Variants in VTN observed in about 807,000 individuals in gnomAD.
VTN encodes the protein complement S-protein.
Under a neutral mutation model 55.9 loss-of-function variants are expected in VTN, and 45 were observed. The observed-to-expected ratio is 0.80, with a 90% CI of 0.63 to 1.03. VTN has a LOEUF of 1.03. Ranked by LOEUF, VTN falls within the 50% of genes least tolerant of loss-of-function variation. The pLI is 0.00. For missense variants in VTN, 589 were observed against 638.2 expected, an observed-to-expected ratio of 0.92 and a Z score of 0.83; for synonymous variants, 238 against 242.3, an observed-to-expected ratio of 0.98 and a Z score of 0.17.
intron 7 of VTN, 56 bp from the exon 8 acceptor site, chr17:28,367,537 TC>T (rs2067914948): frequency 6.6e-7 from 1 of 1,519,838 alleles, no homozygotes; most frequent in Non-Finnish European, 9.1e-7. Context: ...TGCCCACTCT[TC>T]CCTTGAGAAG....
At position 28,369,997 on chromosome 17, in the gene VTN, G is replaced by A; in HGVS notation, c.114C>T (p.Cys38=). ...CTEGFNVDKK[C]QCDELCSYYQ... is the part of the protein sequence containing the mutation. ...AGTAAGAGCAGAGCTCGTCACACTG[G>A]CACTTCTTGTCCACGTTGAAGCCCT... The change falls in exon 2 of 8, where the codon TGC becomes TGT. Residue 38 remains cysteine, a synonymous_variant. Coordinates refer to ENST00000226218, the MANE Select transcript of VTN (RefSeq NM_000638.4). This position sits in a 1 kb window ranked among gnomAD's most constrained non-coding sequence, Gnocchi z 5.3. The A allele has an allele frequency of 6.2e-7, 1 of 1,614,046 alleles. No homozygotes were observed. The highest frequency in any genetic ancestry group is 8.5e-7 in the Non-Finnish European group (1 of 1,180,012).
chr17:28,368,393 T>C (rs1487753682), intron 6 of VTN, 128 bp downstream of exon 6: 1 of 1,341,968 alleles, frequency 7.5e-7, no homozygotes, highest in East Asian at 2.3e-5. Flanking sequence ...AAGCAAAGTC[T>C]GGCCTGAGCA....
chr17:28,369,132 C>T lies in VTN; in HGVS notation c.670-104G>A, dbSNP rs2067932175. 1 of 1,507,662 alleles carries T rather than the reference C, an allele frequency of 6.6e-7. No individual in the cohort carries two copies. Among genetic ancestry groups the T allele is most frequent in the Non-Finnish European group, 8.9e-7 (1 of 1,127,836 alleles). The allele number at this position is 1,507,662 out of a possible 1,614,324, so 93.4% of individuals were successfully genotyped here. On this transcript the variant is annotated intron_variant, in intron 4 of 7. Transcript: ENST00000226218. The surrounding 1 kb of genome is among the most constrained non-coding windows in gnomAD (Gnocchi z 5.3). ...CCGTTCCCAGGTCCAGGTTCACTGC[C>T]CAGGACCTGGAGTCTTGGGGCTGCC...
chr17:28,370,098 C>G, intron 1 of VTN, 42 bp downstream of exon 1: 2 of 1,613,730 alleles, frequency 1.2e-6, no homozygotes, highest in East Asian at 2.2e-5. Flanking sequence ...CACCCTCGCC[C>G]TCCCTACATT....
In VTN at chr17:28,369,952, G is replaced by A. The variant is rs782570391; in HGVS notation, c.159C>T (p.Asp53=). 6.2e-7 allele frequency: 1 copy of A among 1,614,116 alleles called. No individual in the cohort carries two copies. Among genetic ancestry groups the A allele is most frequent in the African/African-American group, 1.3e-5 (1 of 75,066 alleles). The change falls in exon 2 of 8, where the codon GAC becomes GAT. Residue 53 remains aspartate (D), a synonymous_variant. Transcript: ENST00000226218. The surrounding 1 kb of genome is among the most constrained non-coding windows in gnomAD (Gnocchi z 5.3). ...CTTGGGGCTTGCACTCAGCCGTATA[G>A]TCTGTGCAGCAGCTCTGGTAGTAAG... The part of the protein sequence containing the change: ...LCSYYQSCCT[D]YTAECKPQVT...
Position 28,369,184 on chromosome 17 carries a change from C to A in VTN, c.669+105G>T. On this transcript the variant is annotated intron_variant, in intron 4 of 7. Transcript: ENST00000226218. This position sits in a 1 kb window ranked among gnomAD's most constrained non-coding sequence, Gnocchi z 5.3. ...TGTGCTCACAGAGCTCCCACCAGGTCCTGCAGGGCCCTGGGTCCAGCTTCC... is the reference window on the plus strand; with the variant it reads ...TGTGCTCACAGAGCTCCCACCAGGTACTGCAGGGCCCTGGGTCCAGCTTCC... 2.0e-6 allele frequency: 3 copies of A among 1,509,290 alleles called. No homozygotes were observed. The highest frequency in any genetic ancestry group is 1.8e-6 in the Non-Finnish European group (2 of 1,128,868). 93.5% of individuals were successfully genotyped at this position (1,509,290 alleles called of 1,614,324 possible). A position where few individuals can be genotyped will look rare whatever the true frequency, so the allele number is the denominator to read the frequency against.
Position 28,367,866 on chromosome 17 carries a change from C to T in VTN, c.1173G>A (p.Gln391=). 1 of 1,614,028 alleles carries T rather than the reference C, an allele frequency of 6.2e-7. No individual in the cohort carries two copies. Among genetic ancestry groups the T allele is most frequent in the Non-Finnish European group, 8.5e-7 (1 of 1,179,970 alleles). Residue 391 remains glutamine (Q), a synonymous_variant, in exon 7 of 8, where the codon CAG becomes CAA. Coordinates refer to ENST00000226218, the MANE Select transcript of VTN (RefSeq NM_000638.4). ...TGGCGCGGGATGGCCGGCGGGAGTT[C>T]TGGTTGCGGCCACGGCTGTGGCCTC... is the stretch of plus-strand genomic sequence containing the variant. ...SQRGHSRGRN[Q]NSRRPSRATW...
intron 5 of VTN, 97 bp downstream of exon 5, chr17:28,368,775 A>C (rs763241796): frequency 3.1e-6 from 5 of 1,609,546 alleles, no homozygotes; most frequent in Non-Finnish European, 4.2e-6. Context: ...GGTGGGGGTC[A>C]GGGGTGGGCA....
At chr17:28,367,512 G>A in intron 7 of VTN, 31 bp from the exon 8 acceptor site, 1 of 1,570,990 alleles carries the variant, frequency 6.4e-7, no homozygotes, top group East Asian at 2.2e-5. Flanking sequence ...GGATGCGTGA[G>A]GCCCAGCCTG....
In VTN at chr17:28,370,260, C is replaced by T. The variant is rs1280820544; in HGVS notation, c.-57G>A. 52 of 1,553,138 alleles carry T rather than the reference C, an allele frequency of 3.3e-5. 1 individual carries two copies. Among genetic ancestry groups the T allele is most frequent in the Non-Finnish European group, 4.0e-5 (46 of 1,142,278 alleles). On this transcript the variant is annotated 5_prime_UTR_variant, in exon 1 of 8. Coordinates refer to ENST00000226218, the MANE Select transcript of VTN (RefSeq NM_000638.4). ...TGGGCTCTGGTCTCCCTGAAGTCTC[C>T]GCTCTGATGCCTGAGGAAGGGAGGG...
At position 28,367,445 on chromosome 17, in the gene VTN, A is replaced by C; in HGVS notation, c.1361T>G (p.Val454Gly). 6.8e-6 allele frequency: 11 copies of C among 1,613,484 alleles called. No homozygotes were observed. Among genetic ancestry groups the C allele is most frequent in the Non-Finnish European group, 9.3e-6 (11 of 1,179,848 alleles). The change falls in exon 8 of 8, where the codon GTG (valine) becomes GGG (glycine). Residue 454 changes from valine to glycine, a missense_variant. Val to Gly is a moderately radical substitution (Grantham distance 109). This residue lies in a region of VTN where 334 missense variants were observed against 328.2 expected (regional missense o/e 1.02). Coordinates refer to ENST00000226218, the MANE Select transcript of VTN (RefSeq NM_000638.4). ...TGGGTAGGGAGGGTCCACAGTGTCC[A>C]CTCGCCGTGTGCGAAGATTGACTCG... is the stretch of plus-strand genomic sequence containing the variant. ...YYRVNLRTRR[V>G]DTVDPPYPRS...
In VTN at chr17:28,369,897, C is replaced by G. The variant is rs782003778; in HGVS notation, c.184+30G>C. On this transcript the variant is annotated intron_variant, in intron 2 of 7. Transcript: ENST00000226218. This position sits in a 1 kb window ranked among gnomAD's most constrained non-coding sequence, Gnocchi z 5.3. ...TGAGTCTCCAGCAGCAGGGGGCACC[C>G]CAGCCCACCCACCTGGGCTCTGAAC... The G allele has an allele frequency of 7.6e-5, 123 of 1,612,446 alleles. No homozygotes were observed. The highest frequency in any genetic ancestry group is 1.7e-6 in the Non-Finnish European group (2 of 1,178,864).
chr17:28,368,102 A>G, intron 6 of VTN, 43 bp from the exon 7 acceptor site: 1 of 1,501,936 alleles, frequency 6.7e-7, no homozygotes, highest in Non-Finnish European at 8.9e-7. Context: ...GGGGGTCCGA[A>G]TCTTGCCCCT....
At chr17:28,368,751 A>G in intron 5 of VTN, 78 bp from the exon 6 acceptor site, 1 of 1,609,076 alleles carries the variant, frequency 6.2e-7, no homozygotes, top group Non-Finnish European at 8.5e-7. Context: ...TGAAGTTAGG[A>G]TCTCCCAGCA....
In VTN at chr17:28,367,413, T is replaced by G; in HGVS notation, c.1393A>C (p.Ile465Leu). Residue 465 changes from isoleucine (I) to leucine (L), a missense_variant, in exon 8 of 8, where the codon ATC becomes CTC. By Grantham distance (5) the Ile-to-Leu change is conservative. Coordinates refer to ENST00000226218, the MANE Select transcript of VTN (RefSeq NM_000638.4). ...GGGCAGCCCAGCCAGTACTGAGCGA[T>G]GGAGCGTGGGTAGGGAGGGTCCACA... is the stretch of plus-strand genomic sequence containing the variant. ...DTVDPPYPRS[I>L]AQYWLGCPAP... is the part of the protein sequence containing the mutation. 2 of 1,612,586 alleles carry G rather than the reference T, an allele frequency of 1.2e-6. No individual in the cohort carries two copies. Among genetic ancestry groups the G allele is most frequent in the Non-Finnish European group, 1.7e-6 (2 of 1,179,600 alleles).
chr17:28,367,731 G>C lies in VTN; in HGVS notation c.1308C>G (p.Val436=). Residue 436 remains valine, a synonymous_variant, in exon 7 of 8, where the codon GTC becomes GTG. Transcript: ENST00000226218. ...GGCTCCTACCTCCAGAGAAGAAGAA[G>C]ACACTCTGGATGGGTTCACAGGTGG... The part of the protein sequence containing the change: ...VPATCEPIQS[V]FFFSGDKYYR... The C allele has an allele frequency of 6.2e-7, 1 of 1,610,282 alleles. No individual in the cohort carries two copies. The highest frequency in any genetic ancestry group is 8.5e-7 in the Non-Finnish European group (1 of 1,177,282).
Position 28,369,296 on chromosome 17 carries a change from A to T in VTN, c.662T>A (p.Leu221His), listed in dbSNP as rs2067933028. 2 of 1,587,956 alleles carry T rather than the reference A, an allele frequency of 1.3e-6. No individual in the cohort carries two copies. Among genetic ancestry groups the T allele is most frequent in the Non-Finnish European group, 1.7e-6 (2 of 1,162,664 alleles). The change falls in exon 4 of 8, where the codon CTC becomes CAC. Residue 221 changes from leucine to histidine, a missense_variant. Leu to His is a moderately conservative substitution (Grantham distance 99). Around this residue, in one of 3 missense-constraint regions of VTN, gnomAD observed 38 missense variants for 68.8 expected, o/e 0.55. Transcript: ENST00000226218. The surrounding 1 kb of genome is among the most constrained non-coding windows in gnomAD (Gnocchi z 5.3). Reference protein sequence around the residue: ...TRINCQGKTYLFKGSQYWRFE... With the variant: ...TRINCQGKTYHFKGSQYWRFE... The stretch of plus-strand genomic sequence containing the variant: ...GCCCACAGCCCCTGGCACCTTGAAG[A>T]GGTAGGTCTTCCCCTGACAGTTGAT...
chr17:28,369,361 G>A lies in VTN; in HGVS notation c.597C>T (p.Val199=), dbSNP rs1567802018. The A allele has an allele frequency of 1.9e-6, 3 of 1,607,712 alleles. No homozygotes were observed. Among genetic ancestry groups the A allele is most frequent in the Non-Finnish European group, 2.6e-6 (3 of 1,175,034 alleles). Residue 199 remains valine (V), a synonymous_variant, in exon 4 of 8, where the codon GTC becomes GTT. Transcript: ENST00000226218. The surrounding 1 kb of genome is among the most constrained non-coding windows in gnomAD (Gnocchi z 5.3). ...CATCGATGGGGCCCTCGATGCCCCA[G>A]ACATCTCGGATGAGCTTGGGGTACC... ...RPGYPKLIRD[V]WGIEGPIDAA...
Position 28,369,991 on chromosome 17 carries a change from A to G in VTN, c.120T>C (p.Cys40=). ...EGFNVDKKCQ[C]DELCSYYQSC... is the part of the protein sequence containing the mutation. The stretch of plus-strand genomic sequence containing the variant: ...TCTGGTAGTAAGAGCAGAGCTCGTC[A>G]CACTGGCACTTCTTGTCCACGTTGA... Residue 40 remains cysteine, a synonymous_variant, in exon 2 of 8, where the codon TGT becomes TGC. Transcript: ENST00000226218. The surrounding 1 kb of genome is among the most constrained non-coding windows in gnomAD (Gnocchi z 5.3). 1 of 1,614,076 alleles carries G rather than the reference A, an allele frequency of 6.2e-7. No individual in the cohort carries two copies.
Sources: allele counts gnomAD v4.1 joint callset, GRCh38; gene constraint gnomAD v4.1.1; regional missense constraint gnomAD v4.1.1; non-coding constraint Gnocchi (gnomAD v3.1); transcripts MANE v1.5; gene names NCBI Gene and HGNC (gene_info 2026-07-23, HGNC 2026-07-21).